Variants in ARID1B observed in about 807,000 individuals in gnomAD.
The protein encoded by ARID1B is AT-rich interactive domain-containing protein 1B.
ARID1B carries 30 observed loss-of-function variants against 212.3 expected under a neutral mutation model. The ratio of observed to expected loss-of-function variants is 0.14; its 90% CI spans 0.11 to 0.19. The LOEUF is 0.19. Among genes scored for constraint, ARID1B ranks in the 10% least tolerant of loss-of-function variants. The pLI, the probability that ARID1B is intolerant of heterozygous loss-of-function variation, is 1.00. For synonymous variants in ARID1B, 1,402 were observed against 1,301.7 expected, an observed-to-expected ratio of 1.08 and a Z score of -1.66; for missense variants, 2,891 against 3,204.0, an observed-to-expected ratio of 0.90 and a Z score of 2.36.
chr6:156,857,499 G>A (rs1785032493), intron 2 of ARID1B, among the ~76,000 whole-genome samples: 4 of 152,158 alleles, frequency 2.6e-5, no homozygotes, highest in Non-Finnish European at 5.9e-5. Flanking sequence ...GTGTGAAGGA[G>A]GGCTTTGTTC....
intron 8 of ARID1B, 41 bp from the exon 9 acceptor site, chr6:157,166,999 G>T (rs1791369031): frequency 1.3e-6 from 2 of 1,600,000 alleles, no homozygotes; most frequent in Non-Finnish European, 1.7e-6. Flanking sequence ...CTGCTAATGT[G>T]CATGGTCGGT....
intron 1 of ARID1B, among the ~76,000 whole-genome samples, chr6:156,827,321 C>A (rs1036155652): frequency 1.3e-5 from 2 of 152,232 alleles, no homozygotes; most frequent in Non-Finnish European, 2.9e-5. Flanking sequence ...TCTCATTTGG[C>A]TGCTGGCTTC....
chr6:157,113,401 G>C (rs1787079048), intron 6 of ARID1B, among the ~76,000 whole-genome samples: 1 of 152,190 alleles, frequency 6.6e-6, no homozygotes, highest in African/African-American at 2.4e-5. Context: ...ATGAAGAAAA[G>C]AGATTTAACT....
At chr6:157,060,989 C>A (rs532121701) in intron 4 of ARID1B, among the ~76,000 whole-genome samples, 4 of 152,100 alleles carry the variant, frequency 2.6e-5, no homozygotes, top group African/African-American at 9.6e-5. Context: ...AGTGCTCTGC[C>A]CACTCCCCAC....
intron 6 of ARID1B, among the ~76,000 whole-genome samples, chr6:157,118,178 G>T (rs1787457270): frequency 6.6e-6 from 1 of 152,170 alleles, no homozygotes; most frequent in Non-Finnish European, 1.5e-5. Flanking sequence ...TAACAAGTCA[G>T]TACTGAAATG....
rs1253166792 is a variant in ARID1B, at chr6:157,133,231, T to C, written c.2761+24T>C. The C allele has an allele frequency of 3.8e-6, 6 of 1,561,894 alleles. No homozygotes were observed. In the Admixed American group the frequency reaches 1.0e-4, roughly 27 times the overall value. ...AGGTAAAACCAAAGCTTCTCCAAAATGCATGGCAGCAAGTTGTAGAAATTT... is the reference window on the plus strand; with the variant it reads ...AGGTAAAACCAAAGCTTCTCCAAAACGCATGGCAGCAAGTTGTAGAAATTT... On this transcript the variant is annotated intron_variant, in intron 7 of 19. Transcript: ENST00000636930.
chr6:157,142,797 A>C (rs1027678141), intron 7 of ARID1B, among the ~76,000 whole-genome samples: 5 of 152,176 alleles, frequency 3.3e-5, no homozygotes, highest in Admixed American at 3.3e-4. Flanking sequence ...TTTTTCCACA[A>C]GGGTAAGATT....
intron 2 of ARID1B, among the ~76,000 whole-genome samples, chr6:156,890,224 T>G (rs1787819025): frequency 6.6e-6 from 1 of 152,194 alleles, no homozygotes; most frequent in African/African-American, 2.4e-5. Context: ...ACTTCAGCTG[T>G]GATTTGCTAA....
chr6:156,791,793 A>G (rs1257005213), intron 1 of ARID1B, among the ~76,000 whole-genome samples: 1 of 152,194 alleles, frequency 6.6e-6, no homozygotes, highest in Admixed American at 6.5e-5. Context: ...AGCAACTGAC[A>G]GATGGAGATA....
chr6:156,853,467 T>G (rs1033355019), intron 2 of ARID1B, among the ~76,000 whole-genome samples: 4 of 152,142 alleles, frequency 2.6e-5, no homozygotes, highest in South Asian at 2.1e-4. Context: ...GGTCACCCTG[T>G]AGGAGCAGTA....
intron 4 of ARID1B, among the ~76,000 whole-genome samples, chr6:157,068,345 G>A (rs1385728432): frequency 6.6e-6 from 1 of 152,148 alleles, no homozygotes; most frequent in Admixed American, 6.5e-5. Flanking sequence ...TGCCTGTGTT[G>A]GTGAGAGGTA....
rs1794122141 is a variant in ARID1B at position 157,201,567 on chromosome 6, C to T, written c.5263+79C>T. On this transcript the variant is annotated intron_variant, in intron 18 of 19. Transcript: ENST00000636930. The surrounding 1 kb of genome is among the most constrained non-coding windows in gnomAD (Gnocchi z 5.2). Reference sequence around the variant, plus strand: ...TTTAATTTTAGTAAAGATGCTGTTCCTGCTCATCTTAAAGGGATGAAAAAA... The same window carrying T: ...TTTAATTTTAGTAAAGATGCTGTTCTTGCTCATCTTAAAGGGATGAAAAAA... The T allele has an allele frequency of 1.4e-6, 2 of 1,430,508 alleles. No individual in the cohort carries two copies. The highest frequency in any genetic ancestry group is 2.9e-5 in the African/African-American group (2 of 69,890). 88.6% of individuals were successfully genotyped at this position (1,430,508 alleles called of 1,614,324 possible).
At chr6:156,989,360 C>T (rs536540216) in intron 4 of ARID1B, among the ~76,000 whole-genome samples, 5 of 152,136 alleles carry the variant, frequency 3.3e-5, no homozygotes, top group East Asian at 1.9e-4. Context: ...TATCTTTTTG[C>T]GGTTATGAAG....
intron 4 of ARID1B, among the ~76,000 whole-genome samples, chr6:156,971,602 G>A (rs1413275394): frequency 1.3e-5 from 2 of 152,138 alleles, no homozygotes; most frequent in Non-Finnish European, 2.9e-5. Flanking sequence ...CAGGCATACT[G>A]AATTCTCTGC....
intron 1 of ARID1B, among the ~76,000 whole-genome samples, chr6:156,809,543 A>C (rs1487574284): frequency 1.4e-4 from 22 of 152,106 alleles, no homozygotes; most frequent in Admixed American, 1.4e-3. Context: ...GAAGCAACTT[A>C]ATAAACAGGA....
rs560846457 is a variant in ARID1B, at chr6:157,204,003, C to G, written c.5394+7C>G. The G allele has an allele frequency of 1.5e-5, 25 of 1,613,888 alleles. 1 individual carries two copies. In the East Asian group the frequency reaches 5.3e-4, roughly 35 times the overall value. On this transcript the variant is annotated splice_region_variant and intron_variant, in intron 19 of 19. Coordinates refer to ENST00000636930, the MANE Select transcript of ARID1B (RefSeq NM_001374828.1). ...TACTTTCAATCTCTCCCAGGTAAGC[C>G]AGCATAGTCCAACTAACAACCAAAT...
Position 156,808,301 on chromosome 6 carries a change from T to C in ARID1B, c.1792-20926T>C, listed in dbSNP as rs539556529. Among the ~76,000 whole-genome samples the C allele has an allele frequency of 5.3e-5, 8 of 152,358 alleles. No homozygotes were observed. In the South Asian group the frequency reaches 1.7e-3, roughly 32 times the overall value. ...GAAAGGAGAACATGTAGTGGTATAA[T>C]GTAGATCTTAAAATACTTCAGAGTT... On this transcript the variant is annotated intron_variant, in intron 1 of 19. Coordinates refer to ENST00000636930, the MANE Select transcript of ARID1B (RefSeq NM_001374828.1).
chr6:156,872,723 A>T (rs148252763), intron 2 of ARID1B, among the ~76,000 whole-genome samples: 78 of 152,258 alleles, frequency 5.1e-4, no homozygotes, highest in African/African-American at 1.8e-3. Context: ...GACCAGAAAA[A>T]GGGGAAATAG....
At chr6:156,962,456 T>C (rs1483144759) in intron 4 of ARID1B, among the ~76,000 whole-genome samples, 2 of 152,168 alleles carry the variant, frequency 1.3e-5, no homozygotes, top group African/African-American at 4.8e-5. Flanking sequence ...TCTATTTCTT[T>C]TCTCTTTTGG....
Sources: gnomAD v4.1 joint callset for allele counts (sites outside exome capture counted in the v4.1 genomes callset) on GRCh38, gnomAD v4.1.1 for gene constraint, Gnocchi (gnomAD v3.1) non-coding constraint, MANE v1.5 for transcripts, NCBI Gene and HGNC (gene_info 2026-07-23, HGNC 2026-07-21) for gene names.